ERC2: variants seen among roughly 807,000 people sequenced by gnomAD.
The protein encoded by ERC2 is ERC protein 2.
ERC2 carries 42 observed loss-of-function variants against 114.8 expected under a neutral mutation model. That is an observed-to-expected ratio of 0.37 (90% confidence interval 0.29 to 0.47). The LOEUF (loss-of-function observed/expected upper bound fraction) is 0.47, where lower values mean the gene tolerates loss of function less well. Among genes scored for constraint, ERC2 ranks in the 20% least tolerant of loss-of-function variants. ERC2 has a pLI of 0.99. For synonymous variants in ERC2, 454 were observed against 425.5 expected (o/e 1.07, Z -0.82); for missense variants, 939 against 1,150.7 (o/e 0.82, Z 2.66).
chr3:55,951,698 G>T (rs2067528199), intron 12 of ERC2, among the ~76,000 whole-genome samples: 2 of 151,962 alleles, frequency 1.3e-5, no homozygotes, highest in Admixed American at 1.3e-4. Context: ...GGTCCTTTCG[G>T]ATCCCTTTCC....
intron 13 of ERC2, 59 bp from the exon 14 acceptor site, chr3:55,888,608 C>A: frequency 6.3e-7 from 1 of 1,589,358 alleles, no homozygotes. Flanking sequence ...CAAGACATCC[C>A]TTGTTAGCCT....
intron 1 of ERC2, among the ~76,000 whole-genome samples, chr3:56,437,083 T>C (rs1440575897): frequency 6.6e-6 from 1 of 152,256 alleles, no homozygotes; most frequent in South Asian, 2.1e-4. Context: ...GGTTCAGTCA[T>C]GTGACTTTAT....
At chr3:56,433,052 C>T (rs889054200) in intron 2 of ERC2, among the ~76,000 whole-genome samples, 3 of 151,860 alleles carry the variant, frequency 2.0e-5, no homozygotes, top group South Asian at 4.2e-4. Context: ...GTGATATGTG[C>T]CCGTAGTCCC....
intron 14 of ERC2, among the ~76,000 whole-genome samples, chr3:55,810,199 A>T (rs1351909114): frequency 2.0e-5 from 3 of 152,190 alleles, no homozygotes; most frequent in Non-Finnish European, 4.4e-5. Flanking sequence ...CACAGAAATC[A>T]TATCATAGAA....
intron 6 of ERC2, among the ~76,000 whole-genome samples, chr3:56,103,784 T>C (rs1019882718): frequency 6.7e-6 from 1 of 149,628 alleles, no homozygotes; most frequent in Non-Finnish European, 1.5e-5. Flanking sequence ...TCTATCTATC[T>C]ATCCATCCAA....
At chr3:56,446,355 T>A (rs1038593110) in intron 1 of ERC2, among the ~76,000 whole-genome samples, 1 of 151,996 alleles carries the variant, frequency 6.6e-6, no homozygotes, top group Non-Finnish European at 1.5e-5. Context: ...ATTGACAAAG[T>A]GTGTGGGTAA....
Position 56,039,161 on chromosome 3 carries a change from G to A in ERC2, c.1642-20130C>T, listed in dbSNP as rs573348076. On this transcript the variant is annotated intron_variant, in intron 7 of 17. Coordinates refer to ENST00000288221, the MANE Select transcript of ERC2 (RefSeq NM_015576.3). ...TTGATAGGTGTAGCAAACTACCATG[G>A]CACATGTTTACCTATGAAACAAACC... Among the ~76,000 whole-genome samples the A allele has an allele frequency of 4.6e-5, 7 of 152,202 alleles. No individual in the cohort carries two copies. In the South Asian group the frequency reaches 1.5e-3, roughly 32 times the overall value.
intron 17 of ERC2, among the ~76,000 whole-genome samples, chr3:55,616,519 T>C (rs896165827): frequency 2.6e-5 from 4 of 152,102 alleles, no homozygotes; most frequent in African/African-American, 9.7e-5. Flanking sequence ...CATATATATA[T>C]ATACACTACA....
At chr3:56,309,060 A>G (rs2056392289) in intron 2 of ERC2, among the ~76,000 whole-genome samples, 1 of 152,222 alleles carries the variant, frequency 6.6e-6, no homozygotes, top group South Asian at 2.1e-4. Flanking sequence ...GTGAAAAGAC[A>G]AACAGCAGAC....
intron 3 of ERC2, among the ~76,000 whole-genome samples, chr3:56,231,651 A>G (rs533127951): frequency 3.9e-5 from 6 of 152,346 alleles, no homozygotes; most frequent in African/African-American, 1.2e-4. Context: ...GTTATGATAC[A>G]TTTATCTGCA....
At chr3:56,428,973 A>G (rs1023429901) in intron 2 of ERC2, among the ~76,000 whole-genome samples, 7 of 152,200 alleles carry the variant, frequency 4.6e-5, no homozygotes, top group Admixed American at 2.0e-4. Context: ...ACAACCTAGG[A>G]AAATGTCTAA....
At chr3:56,102,183 C>G (rs2078398013) in intron 6 of ERC2, among the ~76,000 whole-genome samples, 1 of 152,164 alleles carries the variant, frequency 6.6e-6, no homozygotes, top group South Asian at 2.1e-4. Context: ...GCGAGTGACA[C>G]AAGCGCTCCC....
chr3:55,889,133 C>T (rs1024430958), intron 13 of ERC2, among the ~76,000 whole-genome samples: 4 of 152,206 alleles, frequency 2.6e-5, no homozygotes, highest in African/African-American at 4.8e-5. Flanking sequence ...GAAGGCAACA[C>T]TCAAATGCAT....
At chr3:55,796,311 T>C (rs755546265) in intron 14 of ERC2, among the ~76,000 whole-genome samples, 1 of 152,178 alleles carries the variant, frequency 6.6e-6, no homozygotes, top group Non-Finnish European at 1.5e-5. Flanking sequence ...ATCTCAAAAG[T>C]GAGGTTGGTG....
chr3:55,971,447 A>G (rs2069147580), intron 12 of ERC2, among the ~76,000 whole-genome samples: 1 of 152,242 alleles, frequency 6.6e-6, no homozygotes, highest in Non-Finnish European at 1.5e-5. Context: ...ATCTTCCCCA[A>G]TAAACCACTC....
intron 2 of ERC2, among the ~76,000 whole-genome samples, chr3:56,413,890 GCA>G (rs2061040317): frequency 6.6e-6 from 1 of 152,178 alleles, no homozygotes; most frequent in African/African-American, 2.4e-5. Flanking sequence ...CTGGGCCTAT[GCA>G]CACATGTGCA....
chr3:56,011,126 CAA>C (rs1264760393), intron 8 of ERC2, among the ~76,000 whole-genome samples: 1 of 152,242 alleles, frequency 6.6e-6, no homozygotes, highest in Non-Finnish European at 1.5e-5. Context: ...GAACTTGAGA[CAA>C]AGAATCAGTC....
rs868273868 is a variant in ERC2 at position 55,888,476 on chromosome 3, G to T, written c.2477C>A (p.Thr826Lys). 5 of 1,613,798 alleles carry T rather than the reference G, an allele frequency of 3.1e-6. No homozygotes were observed. In the African/African-American group the frequency reaches 5.3e-5, roughly 17 times the overall value. Residue 826 changes from threonine (T) to lysine (K), a missense_variant, in exon 14 of 18, where the codon ACA (threonine) becomes AAA (lysine). By Grantham distance (78) the Thr-to-Lys change is moderately conservative (BLOSUM62 -1). Around this residue, in one of 5 missense-constraint regions of ERC2, gnomAD observed 328 missense variants for 353.9 expected, o/e 0.93. Coordinates refer to ENST00000288221, the MANE Select transcript of ERC2 (RefSeq NM_015576.3). The stretch of plus-strand genomic sequence containing the variant: ...TTCTTTTTCGGCCAGGGACTGTTGT[G>T]TGGAGGCGAGGCGTGCTTTGGTGGC... ...LDATKARLAS[T>K]QQSLAEKEAH...
intron 2 of ERC2, among the ~76,000 whole-genome samples, chr3:56,358,174 T>C (rs2058815796): frequency 6.6e-6 from 1 of 152,142 alleles, no homozygotes; most frequent in Admixed American, 6.5e-5. Context: ...AATCCTCAGG[T>C]TCCTCATCTA....
Sources: allele counts gnomAD v4.1 joint callset (sites outside exome capture counted in the v4.1 genomes callset), GRCh38; gene constraint gnomAD v4.1.1; regional missense constraint gnomAD v4.1.1; transcripts MANE v1.5; gene names NCBI Gene and HGNC (gene_info 2026-07-23, HGNC 2026-07-21).